CEP152: variants seen among roughly 807,000 people sequenced by gnomAD.
The protein encoded by CEP152 is centrosomal protein 152, also known as centrosomal protein of 152 kDa.
A neutral mutation model predicts 188.9 loss-of-function variants in CEP152; 132 were observed. That is an observed-to-expected ratio of 0.70 (90% CI 0.61 to 0.81). CEP152 has a LOEUF of 0.81. Ranked by LOEUF, CEP152 falls within the 30% of genes least tolerant of loss-of-function variation. The probability of loss-of-function intolerance (pLI) is 0.00; values close to 1 mark genes in which losing one functional copy is unlikely to be tolerated. For missense variants in CEP152, 1,914 were observed against 1,969.8 expected, an observed-to-expected ratio of 0.97 and a Z score of 0.54; for synonymous variants, 649 against 666.6, an observed-to-expected ratio of 0.97 and a Z score of 0.41.
rs576054020 is a variant in CEP152 at position 48,756,131 on chromosome 15, G to C, written c.3117C>G (p.Ile1039Met). Reference protein sequence around the residue: ...MQEAKRIQLEIYQYEEDILTV... With the variant: ...MQEAKRIQLEMYQYEEDILTV... ...TCAGGATGTCTTCCTCATACTGATA[G>C]ATTTCCAGTTGGATCCGCTTGGCTT... Residue 1039 changes from isoleucine to methionine, a missense_variant, in exon 20 of 27, where the codon ATC becomes ATG. Physicochemically the swap from Ile to Met is conservative, Grantham distance 10. Transcript: ENST00000380950. The C allele has an allele frequency of 5.0e-6, 8 of 1,614,090 alleles. No individual in the cohort carries two copies. The highest frequency in any genetic ancestry group is 6.8e-6 in the Non-Finnish European group (8 of 1,179,990).
chr15:48,793,286 G>A (rs1361679341), intron 7 of CEP152, 35 bp downstream of exon 7: 3 of 1,611,232 alleles, frequency 1.9e-6, no homozygotes, highest in South Asian at 2.2e-5. Context: ...ATCTAACTCA[G>A]TGTACCTCAT....
intron 17 of CEP152, among the ~76,000 whole-genome samples, chr15:48,763,506 T>A (rs1302278150): frequency 3.3e-5 from 5 of 152,062 alleles, no homozygotes; most frequent in African/African-American, 1.2e-4. Context: ...AAACCCCATC[T>A]CTACTAAAAA....
intron 19 of CEP152, among the ~76,000 whole-genome samples, chr15:48,759,868 G>C (rs1450229717): frequency 6.6e-6 from 1 of 152,128 alleles, no homozygotes; most frequent in Non-Finnish European, 1.5e-5. Context: ...ATATATACCT[G>C]TTCTCAATTT....
chr15:48,752,211 A>C, intron 21 of CEP152, 138 bp downstream of exon 21: 1 of 1,441,204 alleles, frequency 6.9e-7, no homozygotes, highest in Non-Finnish European at 9.6e-7. Context: ...ACAAAATGAA[A>C]TCTAGGAAGA....
rs375823982 is a variant in CEP152 at position 48,738,321 on chromosome 15, T to C, written c.5061A>G (p.Ser1687=). The change falls in exon 27 of 27, where the codon TCA becomes TCG. Residue 1687 remains serine, a synonymous_variant. Coordinates refer to ENST00000380950, the MANE Select transcript of CEP152 (RefSeq NM_001194998.2). ...TAGATAGCGGAACAATTAATTTTCT[T>C]GAAGGCTGCTGACACACTGAAGATG... ...TLPSSVCQQP[S]RKLIVPLSSQ... The C allele has an allele frequency of 1.2e-6, 2 of 1,614,096 alleles. No homozygotes were observed. Among genetic ancestry groups the C allele is most frequent in the Non-Finnish European group, 1.7e-6 (2 of 1,179,946 alleles).
intron 10 of CEP152, 78 bp from the exon 11 acceptor site, chr15:48,782,308 C>T: frequency 8.3e-7 from 1 of 1,209,218 alleles, no homozygotes; most frequent in Non-Finnish European, 1.2e-6. Context: ...AGACTTGAAT[C>T]CACTGAGGCT....
chr15:48,788,692 T>A (rs1896821112), intron 9 of CEP152, 109 bp downstream of exon 9: 1 of 1,086,752 alleles, frequency 9.2e-7, no homozygotes, highest in African/African-American at 1.5e-5. Context: ...CAATCTAACA[T>A]TTACTACAAA....
chr15:48,752,288 C>G, intron 21 of CEP152, 61 bp downstream of exon 21: 1 of 1,613,488 alleles, frequency 6.2e-7, no homozygotes, highest in Non-Finnish European at 8.5e-7. Flanking sequence ...ATCCTCAAAG[C>G]AACCCTTCAG....
Position 48,788,852 on chromosome 15 carries a change from T to C in CEP152, c.1122A>G (p.Val374=), listed in dbSNP as rs1282691255. Residue 374 remains valine (V), a synonymous_variant, in exon 9 of 27, where the codon GTA becomes GTG. Transcript: ENST00000380950. ...CATCCAAATTCTTTTGTAAGGACAA[T>C]ACTTGCTCTTCGTACTTCTTTGTGA... ...MGLTKKYEEQ[V]LSLQKNLDAT... The C allele has an allele frequency of 6.2e-7, 1 of 1,614,206 alleles. No homozygotes were observed. The highest frequency in any genetic ancestry group is 2.2e-5 in the East Asian group (1 of 44,882).
At chr15:48,802,963 C>T (rs778979051) in intron 2 of CEP152, among the ~76,000 whole-genome samples, 2 of 152,244 alleles carry the variant, frequency 1.3e-5, no homozygotes, top group African/African-American at 4.8e-5. Context: ...TAGCAACTAG[C>T]CTTTCATCCC....
At position 48,782,138 on chromosome 15, in the gene CEP152, C is replaced by G; in HGVS notation, c.1413+1G>C. On this transcript the variant is annotated splice_donor_variant, in intron 11 of 26. Coordinates refer to ENST00000380950, the MANE Select transcript of CEP152 (RefSeq NM_001194998.2). LOFTEE classifies it high-confidence loss of function. ...AGCCTCTTCCAAGTGGCAACACTCA[C>G]TTGCAAAGCCTTGTTCATGTTTGCA... 1 of 1,613,518 alleles carries G rather than the reference C, an allele frequency of 6.2e-7. No individual in the cohort carries two copies. The highest frequency in any genetic ancestry group is 2.2e-5 in the East Asian group (1 of 44,858).
chr15:48,789,150 A>G, intron 8 of CEP152, 149 bp from the exon 9 acceptor site: 2 of 732,576 alleles, frequency 2.7e-6, no homozygotes, highest in Non-Finnish European at 4.6e-6. Flanking sequence ...ATCATGGCTC[A>G]AGCTCCTTAA....
At chr15:48,743,568 G>GT (rs1003172802) in intron 24 of CEP152, among the ~76,000 whole-genome samples, 1 of 152,152 alleles carries the variant, frequency 6.6e-6, no homozygotes, top group Non-Finnish European at 1.5e-5. Flanking sequence ...GTCCTTAAAA[G>GT]TTTATGGTAG....
intron 26 of CEP152, among the ~76,000 whole-genome samples, chr15:48,739,871 C>G (rs1439619427): frequency 6.6e-6 from 1 of 152,248 alleles, no homozygotes; most frequent in African/African-American, 2.4e-5. Context: ...ATTATTTGCA[C>G]ACTGTTGCCC....
intron 22 of CEP152, among the ~76,000 whole-genome samples, chr15:48,746,833 T>C (rs1413306476): frequency 6.6e-6 from 1 of 152,144 alleles, no homozygotes; most frequent in African/African-American, 2.4e-5. Flanking sequence ...ACAGGAGGAC[T>C]AAACAGGTCT....
At position 48,739,364 on chromosome 15, in the gene CEP152, T is replaced by A; in HGVS notation, c.4094-76A>T. On this transcript the variant is annotated intron_variant, in intron 26 of 26. Coordinates refer to ENST00000380950, the MANE Select transcript of CEP152 (RefSeq NM_001194998.2). ...GAAGATTCATCCTTGAACAAAAAAA[T>A]AAAAAAAATTAAAAATAAGAAAAAA... The A allele has an allele frequency of 6.9e-7, 1 of 1,457,710 alleles. No individual in the cohort carries two copies. Among genetic ancestry groups the A allele is most frequent in the African/African-American group, 1.4e-5 (1 of 69,670 alleles). 90.3% of individuals were successfully genotyped at this position (1,457,710 alleles called of 1,614,324 possible).
intron 24 of CEP152, among the ~76,000 whole-genome samples, 197 bp downstream of exon 24, chr15:48,744,043 C>T (rs546741813): frequency 3.9e-5 from 6 of 152,038 alleles, no homozygotes; most frequent in Non-Finnish European, 8.8e-5. Flanking sequence ...ACATCACTTC[C>T]AAAAGATATT....
chr15:48,795,072 C>A (rs1444159406), intron 6 of CEP152, among the ~76,000 whole-genome samples: 1 of 152,172 alleles, frequency 6.6e-6, no homozygotes, highest in East Asian at 1.9e-4. Context: ...TGCTGCCACA[C>A]TCTAGAATTA....
Position 48,796,042 on chromosome 15 carries a change from C to A in CEP152, c.659G>T (p.Gly220Val). The A allele has an allele frequency of 1.2e-6, 2 of 1,613,844 alleles. No homozygotes were observed. Among genetic ancestry groups the A allele is most frequent in the South Asian group, 2.2e-5 (2 of 91,080 alleles). ...QEITGSDTFE[G>V]LQQQFLGANE... ...AGCTCCTAAAAATTGTTGTTGCAGGCCTTCGAATGTGTCACTTCCTGTTAT... is the reference window on the plus strand; with the variant it reads ...AGCTCCTAAAAATTGTTGTTGCAGGACTTCGAATGTGTCACTTCCTGTTAT... Residue 220 changes from glycine to valine, a missense_variant, in exon 6 of 27, where the codon GGC becomes GTC. Physicochemically the swap from Gly to Val is moderately radical, Grantham distance 109. Transcript: ENST00000380950.
Sources: allele counts gnomAD v4.1 joint callset (sites outside exome capture counted in the v4.1 genomes callset), GRCh38; gene constraint gnomAD v4.1.1; transcripts MANE v1.5; gene names NCBI Gene and HGNC (gene_info 2026-07-23, HGNC 2026-07-21).